ESYT3: variants seen among roughly 807,000 people sequenced by gnomAD.
ESYT3 encodes the protein extended synaptotagmin-3.
ESYT3 carries 101 observed loss-of-function variants against 111.5 expected under a neutral mutation model. The observed-to-expected ratio is 0.91, with a 90% CI of 0.77 to 1.07. The LOEUF is 1.07. Ranked by LOEUF, ESYT3 falls within the 50% of genes least tolerant of loss-of-function variation. The pLI is 0.00. For missense variants in ESYT3, 1,097 were observed against 1,109.4 expected, an observed-to-expected ratio of 0.99 and a Z score of 0.16; for synonymous variants, 416 against 446.8, an observed-to-expected ratio of 0.93 and a Z score of 0.87.
intron 20 of ESYT3, 146 bp downstream of exon 20, chr3:138,474,498 T>C (rs2033394701): frequency 1.1e-6 from 1 of 874,564 alleles, no homozygotes; most frequent in Non-Finnish European, 1.6e-6. Flanking sequence ...GAAGCTTCTG[T>C]ACGTTAGTGG....
At chr3:138,466,205 G>A (rs1172304523) in intron 10 of ESYT3, among the ~76,000 whole-genome samples, 4 of 152,192 alleles carry the variant, frequency 2.6e-5, no homozygotes, top group African/African-American at 7.2e-5. Context: ...GTTCATGTTA[G>A]CAGAGAAAGG....
Position 138,464,353 on chromosome 3 carries a change from CA to C in ESYT3, c.925del (p.Arg309GlufsTer29). On this transcript the variant is annotated frameshift_variant, in exon 9 of 23. Coordinates refer to ENST00000389567, the MANE Select transcript of ESYT3 (RefSeq NM_031913.5). LOFTEE classifies it high-confidence loss of function. ...LRFPLPCGVI[R>X]VHLLEAEQLA... ...GCTTGGACATTTTCCAGGGGGTGAT[CA>C]GAGTGCACTTGCTGGAGGCAGAGCA... 1 of 1,614,020 alleles carries C rather than the reference CA, an allele frequency of 6.2e-7. No homozygotes were observed. Among genetic ancestry groups the C allele is most frequent in the Non-Finnish European group, 8.5e-7 (1 of 1,179,940 alleles).
At chr3:138,469,897 C>T (rs553876757) in intron 15 of ESYT3, among the ~76,000 whole-genome samples, 163 bp from the exon 16 acceptor site, 2 of 152,262 alleles carry the variant, frequency 1.3e-5, no homozygotes, top group East Asian at 3.9e-4. Flanking sequence ...AGTGTTGTCC[C>T]GTCCTAGTGC....
In ESYT3 at chr3:138,478,276, C is replaced by G. The variant is rs756809273; in HGVS notation, c.*1422C>G. 6.6e-6 allele frequency: 1 copy of G among 152,140 alleles called. No individual in the cohort carries two copies. 9.4% of individuals were successfully genotyped at this position (152,140 alleles called of 1,614,324 possible). ...TCCAGTTGAACAGTAGGGAACAATT[C>G]AAGCTACTTGAATTGTTTTTCACCC... On this transcript the variant is annotated 3_prime_UTR_variant, in exon 23 of 23. Coordinates refer to ENST00000389567, the MANE Select transcript of ESYT3 (RefSeq NM_031913.5).
intron 1 of ESYT3, among the ~76,000 whole-genome samples, chr3:138,449,929 AG>A (rs2031815403): frequency 6.6e-6 from 1 of 152,224 alleles, no homozygotes; most frequent in Non-Finnish European, 1.5e-5. Context: ...CAGCCCTCCT[AG>A]AGCTTCCAGT....
At chr3:138,444,211 A>T (rs1159301473) in intron 1 of ESYT3, among the ~76,000 whole-genome samples, 1 of 152,180 alleles carries the variant, frequency 6.6e-6, no homozygotes. Flanking sequence ...CTTTGCCTGG[A>T]ATGCGTCGGC....
intron 5 of ESYT3, among the ~76,000 whole-genome samples, chr3:138,459,585 A>G (rs2032504456): frequency 6.6e-6 from 1 of 152,198 alleles, no homozygotes; most frequent in Admixed American, 6.5e-5. Flanking sequence ...CAGGAGGTGA[A>G]AATAACTCTC....
Position 138,457,619 on chromosome 3 carries a change from C to CT in ESYT3, c.556_557insT (p.Arg186LeufsTer15). The CT allele has an allele frequency of 6.2e-7, 1 of 1,614,180 alleles. No individual in the cohort carries two copies. Among genetic ancestry groups the CT allele is most frequent in the Admixed American group, 1.7e-5 (1 of 60,028 alleles). On this transcript the variant is annotated frameshift_variant, in exon 4 of 23. Coordinates refer to ENST00000389567, the MANE Select transcript of ESYT3 (RefSeq NM_031913.5). LOFTEE classifies it high-confidence loss of function. ...ACACACTAATACGTGCAACCGAAGA[C>CT]GTGTGACTGTGGACCTGCAGATCTG...
intron 1 of ESYT3, 134 bp from the exon 2 acceptor site, chr3:138,451,914 G>T (rs1192845418): frequency 5.2e-6 from 5 of 970,226 alleles, no homozygotes; most frequent in Non-Finnish European, 8.1e-6. Flanking sequence ...ACCTGTGACC[G>T]ACGTGGAGGC....
chr3:138,457,669 G>A, intron 4 of ESYT3, 25 bp downstream of exon 4: 2 of 1,611,854 alleles, frequency 1.2e-6, no homozygotes, highest in Non-Finnish European at 8.5e-7. Context: ...GCTGGGTATG[G>A]GCTTCGGGGT....
rs1331144290 is a variant in ESYT3 at position 138,440,990 on chromosome 3, A to T, written c.327+5865A>T. On this transcript the variant is annotated intron_variant, in intron 1 of 22. Transcript: ENST00000389567. The surrounding 1 kb of genome is among the most constrained non-coding windows in gnomAD (Gnocchi z 4.2). ...GGGCAGCCTCTTCTGATAGAGCATG[A>T]TCAGTTCTCTGAGGTGGCTCCAAGT... 6.6e-6 allele frequency among the ~76,000 whole-genome samples: 1 copy of T among 152,166 alleles called. No individual in the cohort carries two copies. Among genetic ancestry groups the T allele is most frequent in the Non-Finnish European group, 1.5e-5 (1 of 68,034 alleles).
At chr3:138,443,569 G>A (rs1388147575) in intron 1 of ESYT3, among the ~76,000 whole-genome samples, 5 of 152,192 alleles carry the variant, frequency 3.3e-5, no homozygotes, top group African/African-American at 1.2e-4. Context: ...TCAGCAGTTA[G>A]TTAGCAGGGG....
rs1482154799 is a variant in ESYT3 at position 138,468,212 on chromosome 3, A to C, written c.1308+18A>C. On this transcript the variant is annotated intron_variant, in intron 12 of 22. Transcript: ENST00000389567. ...TGACTGAGGTGAGTGTGGGGTGTCA[A>C]GGGCTCCCTTGCAGAAAGGTGGAGG... 7 of 1,612,788 alleles carry C rather than the reference A, an allele frequency of 4.3e-6. No individual in the cohort carries two copies. Among genetic ancestry groups the C allele is most frequent in the Non-Finnish European group, 5.9e-6 (7 of 1,178,956 alleles).
chr3:138,455,644 G>A (rs181522062), intron 3 of ESYT3, among the ~76,000 whole-genome samples: 6 of 152,334 alleles, frequency 3.9e-5, no homozygotes, highest in African/African-American at 1.2e-4. Context: ...GTGGTAGCCA[G>A]ACAGATACAA....
chr3:138,470,404 C>A, intron 16 of ESYT3: 1 of 1,183,524 alleles, frequency 8.4e-7, no homozygotes, highest in Non-Finnish European at 1.1e-6. Context: ...ATATTTGCTA[C>A]ACAGTACCCA....
chr3:138,476,859 G>A lies in ESYT3; in HGVS notation c.*5G>A, dbSNP rs1224732306. 1.2e-6 allele frequency: 2 copies of A among 1,612,044 alleles called. No individual in the cohort carries two copies. The highest frequency in any genetic ancestry group is 1.7e-6 in the Non-Finnish European group (2 of 1,178,234). On this transcript the variant is annotated 3_prime_UTR_variant, in exon 23 of 23. Transcript: ENST00000389567. ...AATGGACAGCCCAGAAGCTGATGAT[G>A]AGAATTCTTATCACTCACCTTTATA...
intron 4 of ESYT3, among the ~76,000 whole-genome samples, chr3:138,458,808 G>C (rs1430841066): frequency 6.6e-6 from 1 of 152,164 alleles, no homozygotes; most frequent in African/African-American, 2.4e-5. Flanking sequence ...AGATGGGACA[G>C]GGGGACAGCA....
rs372423899 is a variant in ESYT3 at position 138,467,532 on chromosome 3, A to T, written c.1170-29A>T. On this transcript the variant is annotated intron_variant, in intron 10 of 22. Transcript: ENST00000389567. ...TCTGCTGCTTTCTTCCTCTGAGCTG[A>T]CCCAATCCCCTCTCCCTGTATATTC... 1.3e-4 allele frequency: 204 copies of T among 1,613,532 alleles called. No individual in the cohort carries two copies. The African/African-American group carries it at 2.5e-3, about 20-fold the overall frequency.
chr3:138,451,094 C>T (rs546276511), intron 1 of ESYT3, among the ~76,000 whole-genome samples: 225 of 152,356 alleles, frequency 1.5e-3, no homozygotes, highest in Middle Eastern at 0.01. Flanking sequence ...GACTGAGACT[C>T]CTGGAGGGGG....
Sources: allele counts gnomAD v4.1 joint callset (sites outside exome capture counted in the v4.1 genomes callset), GRCh38; gene constraint gnomAD v4.1.1; non-coding constraint Gnocchi (gnomAD v3.1); transcripts MANE v1.5; gene names NCBI Gene and HGNC (gene_info 2026-07-23, HGNC 2026-07-21).